Variants in ABCD3 observed in about 807,000 individuals in gnomAD.
ABCD3 encodes ATP binding cassette subfamily D member 3, also known as ATP-binding cassette sub-family D member 3.
In ABCD3, 41 loss-of-function variants were observed where a neutral mutation model predicts 105.5. That is an observed-to-expected ratio of 0.39 (90% CI 0.30 to 0.50). The LOEUF (loss-of-function observed/expected upper bound fraction) is 0.50. Ranked by LOEUF, ABCD3 falls within the 20% of genes least tolerant of loss-of-function variation. ABCD3 has a pLI of 0.84. For synonymous variants in ABCD3, 258 were observed against 269.0 expected, an observed-to-expected ratio of 0.96 and a Z score of 0.40; for missense variants, 622 against 806.3, an observed-to-expected ratio of 0.77 and a Z score of 2.77.
At chr1:94,448,749 A>G (rs944208078) in intron 1 of ABCD3, among the ~76,000 whole-genome samples, 1 of 152,188 alleles carries the variant, frequency 6.6e-6, no homozygotes, top group African/African-American at 2.4e-5. Context: ...CCCAGGCTAT[A>G]CTAGCCAAGC....
chr1:94,393,125 TAAA>T, the ABCD3 span, among the ~76,000 whole-genome samples: 1 of 140,246 alleles, frequency 7.1e-6, no homozygotes, highest in African/African-American at 2.5e-5. Context: ...AATAAATAAA[TAAA>T]AAGAAGAAGA....
chr1:94,399,676 A>T, the ABCD3 span, among the ~76,000 whole-genome samples: 1 of 152,224 alleles, frequency 6.6e-6, no homozygotes, highest in African/African-American at 2.4e-5. Flanking sequence ...TCTGCAACCC[A>T]AATATGGCTG....
At chr1:94,479,424 CAG>C (rs1199634554) in intron 8 of ABCD3, among the ~76,000 whole-genome samples, 1 of 151,362 alleles carries the variant, frequency 6.6e-6, no homozygotes, top group Non-Finnish European at 1.5e-5. Context: ...TTGAATTGAT[CAG>C]ATTTACTTTT....
intron 1 of ABCD3, among the ~76,000 whole-genome samples, chr1:94,441,214 A>G (rs1327159815): frequency 6.6e-6 from 1 of 152,218 alleles, no homozygotes; most frequent in Non-Finnish European, 1.5e-5. Flanking sequence ...AATATATATC[A>G]CAGATATAGG....
intron 21 of ABCD3, among the ~76,000 whole-genome samples, chr1:94,511,567 G>A (rs1650673464): frequency 6.6e-6 from 1 of 152,074 alleles, no homozygotes; most frequent in African/African-American, 2.4e-5. Context: ...AGTTCTCCTG[G>A]ATAATATCCT....
chr1:94,502,792 G>A (rs575984364), intron 20 of ABCD3, among the ~76,000 whole-genome samples: 5 of 152,156 alleles, frequency 3.3e-5, no homozygotes, highest in South Asian at 2.1e-4. Context: ...GAGCCGCCGC[G>A]CCCCATTTTA....
the ABCD3 span, among the ~76,000 whole-genome samples, chr1:94,404,465 A>T: frequency 6.6e-6 from 1 of 152,254 alleles, no homozygotes; most frequent in East Asian, 1.9e-4. Flanking sequence ...TGGTATTAAT[A>T]TGAAATAAAA....
chr1:94,389,855 G>C, the ABCD3 span, among the ~76,000 whole-genome samples: 1 of 152,134 alleles, frequency 6.6e-6, no homozygotes, highest in Admixed American at 6.6e-5. Context: ...TAGAATATTT[G>C]CTACTTCCTG....
the ABCD3 span, among the ~76,000 whole-genome samples, chr1:94,387,980 T>G: frequency 1.4e-4 from 22 of 152,162 alleles, no homozygotes; most frequent in Non-Finnish European, 2.8e-4. Context: ...TCAGGTAGCT[T>G]AAGTCACTTG....
intron 20 of ABCD3, among the ~76,000 whole-genome samples, chr1:94,505,906 G>T (rs893722365): frequency 8.5e-5 from 13 of 152,130 alleles, no homozygotes; most frequent in Non-Finnish European, 1.5e-4. Flanking sequence ...TGGAATATCT[G>T]TTAGACAAAA....
chr1:94,470,076 T>C (rs1042438368), intron 4 of ABCD3, among the ~76,000 whole-genome samples: 4 of 152,206 alleles, frequency 2.6e-5, no homozygotes, highest in African/African-American at 4.8e-5. Flanking sequence ...ATTTTTTGTT[T>C]TTCTCTTCCT....
intron 22 of ABCD3, among the ~76,000 whole-genome samples, chr1:94,516,536 G>C (rs1570849962): frequency 6.6e-6 from 1 of 151,878 alleles, no homozygotes; most frequent in African/African-American, 2.4e-5. Context: ...TGGAGGTATA[G>C]ACAAGTAGCA....
intron 21 of ABCD3, among the ~76,000 whole-genome samples, chr1:94,511,939 T>G (rs1650692980): frequency 6.6e-6 from 1 of 152,116 alleles, no homozygotes; most frequent in Non-Finnish European, 1.5e-5. Context: ...TGGTTTGAAT[T>G]TCCTCCCGTA....
intron 16 of ABCD3, among the ~76,000 whole-genome samples, chr1:94,493,712 G>A (rs1649651535): frequency 6.6e-6 from 1 of 152,152 alleles, no homozygotes. Context: ...AACAATGATA[G>A]ACTGGATAAA....
intron 1 of ABCD3, among the ~76,000 whole-genome samples, chr1:94,437,818 G>A (rs1008890093): frequency 2.6e-5 from 4 of 152,146 alleles, no homozygotes; most frequent in African/African-American, 9.7e-5. Flanking sequence ...GTGGTTCATA[G>A]AAGAAGGTCA....
chr1:94,441,810 AGAT>A (rs1230538834), intron 1 of ABCD3, among the ~76,000 whole-genome samples: 4 of 152,350 alleles, frequency 2.6e-5, no homozygotes, highest in Non-Finnish European at 5.9e-5. Flanking sequence ...TACAAAAAGA[AGAT>A]GGATAAATAA....
chr1:94,498,920 T>C (rs1033422410), intron 18 of ABCD3, 25 bp from the exon 19 acceptor site: 2 of 1,611,944 alleles, frequency 1.2e-6, no homozygotes, highest in African/African-American at 1.3e-5. Context: ...TTGCTTCTAA[T>C]TGACTTTTGC....
At chr1:94,439,931 C>T (rs970998313) in intron 1 of ABCD3, among the ~76,000 whole-genome samples, 33 of 152,150 alleles carry the variant, frequency 2.2e-4, no homozygotes, top group African/African-American at 7.7e-4. Context: ...TTCACAGGTG[C>T]AATCACAGCT....
intron 1 of ABCD3, among the ~76,000 whole-genome samples, chr1:94,435,363 G>C (rs946344066): frequency 1.3e-5 from 2 of 152,072 alleles, no homozygotes; most frequent in African/African-American, 4.8e-5. Flanking sequence ...AACGTAATGA[G>C]ACCCTGTGTC....
Sources: gnomAD v4.1 joint callset for allele counts (sites outside exome capture counted in the v4.1 genomes callset) on GRCh38, gnomAD v4.1.1 for gene constraint, MANE v1.5 for transcripts, NCBI Gene and HGNC (gene_info 2026-07-23, HGNC 2026-07-21) for gene names.